Variants in PHLPP1 observed in about 807,000 individuals in gnomAD.
PHLPP1 encodes PH domain and leucine rich repeat protein phosphatase 1, also known as PH domain leucine-rich repeat-containing protein phosphatase 1.
In PHLPP1, 42 loss-of-function variants were observed where a neutral mutation model predicts 117.2. The observed-to-expected ratio is 0.36, with a 90% CI of 0.28 to 0.46. PHLPP1 has a LOEUF of 0.46. Among genes scored for constraint, PHLPP1 ranks in the 20% least tolerant of loss-of-function variants. The pLI is 1.00. For missense variants in PHLPP1, 2,084 were observed against 2,241.9 expected (o/e 0.93, Z 1.42); for synonymous variants, 1,042 against 970.7 (o/e 1.07, Z -1.37).
intron 1 of PHLPP1, among the ~76,000 whole-genome samples, chr18:62,780,148 A>G (rs1599043639): frequency 6.6e-6 from 1 of 152,190 alleles, no homozygotes; most frequent in Non-Finnish European, 1.5e-5. Flanking sequence ...TTGTCCAGTT[A>G]CCATTACGCT....
chr18:62,793,739 T>G (rs1913533808), intron 1 of PHLPP1, among the ~76,000 whole-genome samples: 1 of 152,134 alleles, frequency 6.6e-6, no homozygotes, highest in Non-Finnish European at 1.5e-5. Context: ...TAGGGAGAGG[T>G]GGAGCCAGGA....
chr18:62,760,428 G>C (rs1912181010), intron 1 of PHLPP1, among the ~76,000 whole-genome samples: 1 of 152,178 alleles, frequency 6.6e-6, no homozygotes, highest in East Asian at 1.9e-4. Context: ...TATTCGATTA[G>C]GTTTTCTACC....
chr18:62,867,885 C>G (rs1383467802), intron 4 of PHLPP1, among the ~76,000 whole-genome samples: 1 of 151,984 alleles, frequency 6.6e-6, no homozygotes. Context: ...GATCTCGGCT[C>G]ACTGCAAGCT....
rs1288515478 is a variant in PHLPP1, at chr18:62,979,390, C to T, written c.5113C>T (p.Gln1705Ter). 6.4e-7 allele frequency: 1 copy of T among 1,551,410 alleles called. No homozygotes were observed. Reference sequence around the variant, plus strand: ...CCAGCCGCAGCTGCCGCGGCACTACCAGCTGGACCAGCTGCCAGATTATTA... The same window carrying T: ...CCAGCCGCAGCTGCCGCGGCACTACTAGCTGGACCAGCTGCCAGATTATTA... ...QLQPQLPRHY[Q>*]LDQLPDYYDT... The change falls in exon 17 of 17, where the codon CAG (glutamine) becomes TAG (stop). Residue 1705 changes from glutamine to a stop codon, truncating the protein, a stop_gained. Transcript: ENST00000262719. LOFTEE classifies it high-confidence loss of function.
chr18:62,824,030 G>C (rs1055928205), intron 1 of PHLPP1, among the ~76,000 whole-genome samples: 26 of 151,958 alleles, frequency 1.7e-4, no homozygotes, highest in African/African-American at 6.0e-4. Flanking sequence ...TACTTGGGAG[G>C]CTGAGGCAGG....
intron 4 of PHLPP1, among the ~76,000 whole-genome samples, chr18:62,885,654 C>T (rs1242110941): frequency 4.0e-5 from 6 of 151,808 alleles, no homozygotes; most frequent in Non-Finnish European, 5.9e-5. Flanking sequence ...AGTGAGACTC[C>T]GTCTCAAAAA....
At chr18:62,850,221 CTACTAAAA>C (rs1256736448) in intron 3 of PHLPP1, among the ~76,000 whole-genome samples, 2 of 151,672 alleles carry the variant, frequency 1.3e-5, no homozygotes, top group African/African-American at 4.8e-5. Flanking sequence ...AACCCTGTCT[CTACTAAAA>C]ATACAAAAAT....
chr18:62,748,493 G>A (rs943314915), intron 1 of PHLPP1, among the ~76,000 whole-genome samples: 3 of 152,038 alleles, frequency 2.0e-5, no homozygotes, highest in African/African-American at 4.8e-5. Context: ...GCAGTCTGCC[G>A]GCCTTGGCCA....
chr18:62,881,283 T>C (rs1223464055), intron 4 of PHLPP1, among the ~76,000 whole-genome samples: 3 of 152,094 alleles, frequency 2.0e-5, no homozygotes, highest in Admixed American at 2.0e-4. Flanking sequence ...AATTAAAGAA[T>C]TTTTCTCTTT....
chr18:62,975,437 G>C lies in PHLPP1; in HGVS notation c.3796G>C (p.Val1266Leu). The C allele has an allele frequency of 3.7e-6, 6 of 1,613,906 alleles. No homozygotes were observed. Among genetic ancestry groups the C allele is most frequent in the Non-Finnish European group, 5.1e-6 (6 of 1,179,868 alleles). Residue 1266 changes from valine to leucine, a missense_variant, in exon 16 of 17, where the codon GTC becomes CTC. By Grantham distance (32) the Val-to-Leu change is conservative. Coordinates refer to ENST00000262719, the MANE Select transcript of PHLPP1 (RefSeq NM_194449.4). ...TAGQKLGGAA[V>L]LCHIKHDPVD... ...TGGGCAGAAGCTTGGTGGTGCCGCT[G>C]TCCTTTGTCATATCAAGCATGACCC...
At position 62,791,950 on chromosome 18, in the gene PHLPP1, C is replaced by CTT. The variant is rs375117878; in HGVS notation, c.1577-38074_1577-38073dup. Among the ~76,000 whole-genome samples, 189 of 146,050 alleles carry CTT rather than the reference C, an allele frequency of 1.3e-3. 1 individual carries two copies. Among genetic ancestry groups the CTT allele is most frequent in the Non-Finnish European group, 2.4e-3 (159 of 66,166 alleles). On this transcript the variant is annotated intron_variant, in intron 1 of 16. Coordinates refer to ENST00000262719, the MANE Select transcript of PHLPP1 (RefSeq NM_194449.4). ...ATTACCCTGCTAATTAATGAGTACA[C>CTT]TTTTTTTTTTTTCCTGGAGACATTT...
chr18:62,843,267 T>C (rs1288537943), intron 3 of PHLPP1, among the ~76,000 whole-genome samples: 1 of 152,182 alleles, frequency 6.6e-6, no homozygotes, highest in East Asian at 1.9e-4. Flanking sequence ...AAGTTTCTGA[T>C]TATTAGTAAC....
intron 4 of PHLPP1, among the ~76,000 whole-genome samples, chr18:62,867,377 T>C (rs1384006863): frequency 6.6e-6 from 1 of 152,230 alleles, no homozygotes; most frequent in Non-Finnish European, 1.5e-5. Context: ...TACTAACTTC[T>C]CTTTCCCCTA....
At chr18:62,899,954 G>A (rs1052833732) in intron 6 of PHLPP1, among the ~76,000 whole-genome samples, 1 of 152,162 alleles carries the variant, frequency 6.6e-6, no homozygotes, top group Non-Finnish European at 1.5e-5. Context: ...ACAGGCATGA[G>A]TAACCACGCC....
intron 14 of PHLPP1, among the ~76,000 whole-genome samples, chr18:62,967,130 C>T (rs145872545): frequency 1.3e-5 from 2 of 152,262 alleles, no homozygotes; most frequent in Non-Finnish European, 2.9e-5. Flanking sequence ...TTGTTTTACC[C>T]GTTCACCATT....
At chr18:62,835,141 G>C (rs1451032799) in intron 2 of PHLPP1, among the ~76,000 whole-genome samples, 1 of 151,422 alleles carries the variant, frequency 6.6e-6, no homozygotes. Flanking sequence ...TTACTGTTAC[G>C]GGCAGGAAGA....
intron 4 of PHLPP1, among the ~76,000 whole-genome samples, chr18:62,872,673 C>G (rs1915933033): frequency 6.7e-6 from 1 of 150,020 alleles, no homozygotes; most frequent in Admixed American, 6.7e-5. Flanking sequence ...GCCTGGGGGA[C>G]AGAGCGAGAC....
At chr18:62,935,337 T>C (rs757333181) in intron 10 of PHLPP1, among the ~76,000 whole-genome samples, 17 of 152,182 alleles carry the variant, frequency 1.1e-4, no homozygotes, top group Non-Finnish European at 2.2e-4. Context: ...AAAAACTGTA[T>C]GAATAAAACG....
intron 3 of PHLPP1, among the ~76,000 whole-genome samples, chr18:62,848,845 A>G (rs1356346013): frequency 6.6e-6 from 1 of 152,196 alleles, no homozygotes. Flanking sequence ...CTGATATATA[A>G]AGCGTTCAAT....
Sources: gnomAD v4.1 joint callset for allele counts (sites outside exome capture counted in the v4.1 genomes callset) on GRCh38, gnomAD v4.1.1 for gene constraint, MANE v1.5 for transcripts, NCBI Gene and HGNC (gene_info 2026-07-23, HGNC 2026-07-21) for gene names.